RBMS2: variants seen among roughly 807,000 people sequenced by gnomAD.
RBMS2 encodes RNA-binding motif, single-stranded-interacting protein 2.
A neutral mutation model predicts 58.4 loss-of-function variants in RBMS2; 38 were observed. The ratio of observed to expected loss-of-function variants is 0.65; its 90% CI spans 0.50 to 0.85. The LOEUF (loss-of-function observed/expected upper bound fraction) is 0.85. Among genes scored for constraint, RBMS2 ranks in the 40% least tolerant of loss-of-function variants. The probability of loss-of-function intolerance (pLI) is 0.00; values close to 1 mark genes in which losing one functional copy is unlikely to be tolerated. For missense variants in RBMS2, 367 were observed against 503.7 expected, an observed-to-expected ratio of 0.73 and a Z score of 2.60; for synonymous variants, 151 against 180.7, an observed-to-expected ratio of 0.84 and a Z score of 1.32.
intron 10 of RBMS2, 91 bp downstream of exon 10, chr12:56,587,017 G>T: frequency 3.0e-6 from 4 of 1,341,042 alleles, no homozygotes; most frequent in Non-Finnish European, 4.3e-6. Flanking sequence ...TGTAATCCCA[G>T]CACTTTGGGA....
rs71446560 is a variant in RBMS2 at position 56,536,200 on chromosome 12, C to CAA, written c.66+14138_66+14139dup. On this transcript the variant is annotated intron_variant, in intron 1 of 13. Coordinates refer to ENST00000262031, the MANE Select transcript of RBMS2 (RefSeq NM_002898.4). ...GGGTGACAAGAGTGAAACTCTGTCT[C>CAA]AAAAAAAAAAAAAAAAAAAAAAAAA... 4.9e-3 allele frequency among the ~76,000 whole-genome samples: 373 copies of CAA among 76,422 alleles called. 11 individuals are homozygous for CAA. The highest frequency in any genetic ancestry group is 0.021 in the African/African-American group (330 of 15,612). 50.1% of individuals were successfully genotyped at this position (76,422 alleles called of 152,430 possible).
intron 1 of RBMS2, among the ~76,000 whole-genome samples, chr12:56,541,078 G>A (rs1460445309): frequency 5.4e-5 from 8 of 148,778 alleles, no homozygotes; most frequent in Admixed American, 2.0e-4. Flanking sequence ...TCCAGCCTGG[G>A]CAGCAGAGTG....
At chr12:56,538,695 T>G (rs1356319543) in intron 1 of RBMS2, among the ~76,000 whole-genome samples, 1 of 151,934 alleles carries the variant, frequency 6.6e-6, no homozygotes, top group Admixed American at 6.6e-5. Flanking sequence ...TTGGCCAGGC[T>G]GGTCTTGAAC....
rs1282946412 is a variant in RBMS2 at position 56,590,637 on chromosome 12, T to C, written c.*1504T>C. On this transcript the variant is annotated 3_prime_UTR_variant, in exon 14 of 14. Transcript: ENST00000262031. ...ACTCATGCAACTGTTGGGGAAGGACTGGACTGGGATCCTTGAATTCTCCCC... is the reference window on the plus strand; with the variant it reads ...ACTCATGCAACTGTTGGGGAAGGACCGGACTGGGATCCTTGAATTCTCCCC... The C allele has an allele frequency of 6.6e-6, 1 of 152,236 alleles. No homozygotes were observed. Among genetic ancestry groups the C allele is most frequent in the African/African-American group, 2.4e-5 (1 of 41,458 alleles). 9.4% of individuals were successfully genotyped at this position (152,236 alleles called of 1,614,324 possible). A position where few individuals can be genotyped will look rare whatever the true frequency, so the allele number is the denominator to read the frequency against.
chr12:56,562,374 T>C (rs1351079623), intron 1 of RBMS2, 43 bp from the exon 2 acceptor site: 1 of 1,534,680 alleles, frequency 6.5e-7, no homozygotes, highest in South Asian at 1.1e-5. Flanking sequence ...CTCCAACATG[T>C]AAATGGATAA....
chr12:56,521,427 CAA>C (rs35413431), upstream of RBMS2, among the ~76,000 whole-genome samples: 4 of 91,294 alleles, frequency 4.4e-5, no homozygotes, highest in African/African-American at 4.9e-5. Flanking sequence ...AACTCTGTCT[CAA>C]AAAAAAAAAA....
chr12:56,558,365 C>T (rs1377807091), intron 1 of RBMS2, among the ~76,000 whole-genome samples: 2 of 89,228 alleles, frequency 2.2e-5, no homozygotes, highest in African/African-American at 7.6e-5. Context: ...ATTTATTTCC[C>T]CAGTAACCCT....
intron 4 of RBMS2, 140 bp downstream of exon 4, chr12:56,570,130 T>C (rs900281850): frequency 8.4e-5 from 57 of 674,746 alleles, no homozygotes; most frequent in Middle Eastern, 2.5e-4. Context: ...AGACAGTCCA[T>C]GAGCACCCCT....
chr12:56,561,884 T>C (rs910585885), intron 1 of RBMS2, among the ~76,000 whole-genome samples: 1 of 151,828 alleles, frequency 6.6e-6, no homozygotes, highest in Non-Finnish European at 1.5e-5. Context: ...CTCAGCTCAC[T>C]GCAAGCTCTG....
rs185999288 is a variant in RBMS2, at chr12:56,524,347, T to C, written c.66+2258T>C. Among the ~76,000 whole-genome samples the C allele has an allele frequency of 3.8e-3, 584 of 152,324 alleles. 19 individuals carry two copies. The highest frequency in any genetic ancestry group is 0.034 in the Admixed American group (516 of 15,278). ...AGGATGCTGTATCTGTGCATCACTC[T>C]GTGGCCATGCATATGACTCCTTTTG... On this transcript the variant is annotated intron_variant, in intron 1 of 13. Coordinates refer to ENST00000262031, the MANE Select transcript of RBMS2 (RefSeq NM_002898.4).
chr12:56,568,636 A>G (rs766723767), intron 2 of RBMS2, among the ~76,000 whole-genome samples: 4 of 151,288 alleles, frequency 2.6e-5, no homozygotes, highest in Non-Finnish European at 5.9e-5. Flanking sequence ...TCACAGGTTC[A>G]AGCAATTCTC....
chr12:56,559,239 G>A (rs1334220535), intron 1 of RBMS2, among the ~76,000 whole-genome samples: 1 of 151,794 alleles, frequency 6.6e-6, no homozygotes. Context: ...GAGTGCAGTG[G>A]CACAATCTCG....
chr12:56,586,527 A>G (rs1018269763), intron 9 of RBMS2, among the ~76,000 whole-genome samples: 4 of 151,202 alleles, frequency 2.6e-5, no homozygotes, highest in Non-Finnish European at 4.4e-5. Flanking sequence ...GGCTATTTGT[A>G]TATCTTCTTA....
At chr12:56,521,299 G>A (rs1871688500), upstream of RBMS2, among the ~76,000 whole-genome samples, 2 of 151,874 alleles carry the variant, frequency 1.3e-5, no homozygotes, top group African/African-American at 4.8e-5. Context: ...GTGTGGTGGT[G>A]GTCACCTGTA....
intron 1 of RBMS2, among the ~76,000 whole-genome samples, chr12:56,529,632 T>C (rs553412160): frequency 5.2e-4 from 77 of 149,282 alleles, no homozygotes; most frequent in Non-Finnish European, 9.4e-4. Context: ...GAAAAAAGGA[T>C]GGAATACTGA....
rs774705093 is a variant in RBMS2 at position 56,581,436 on chromosome 12, C to T, written c.660C>T (p.Gly220=). 5.0e-6 allele frequency: 8 copies of T among 1,613,968 alleles called. No individual in the cohort carries two copies. The East Asian group carries it at 8.9e-5, about 18-fold the overall frequency. The part of the protein sequence containing the change: ...SDPLLCKFAD[G]GPKKRQNQGK... ...CCTTGCTTTGCAAATTTGCTGATGG[C>T]GGGCCAAAGAAACGACAGAACCAAG... The change falls in exon 7 of 14, where the codon GGC becomes GGT. Residue 220 remains glycine (G), a synonymous_variant. Transcript: ENST00000262031.
chr12:56,579,490 G>A (rs1032030465), intron 5 of RBMS2, among the ~76,000 whole-genome samples: 6 of 152,006 alleles, frequency 3.9e-5, no homozygotes, highest in African/African-American at 9.7e-5. Flanking sequence ...AAAATTAGCC[G>A]GGTGTGGTGG....
chr12:56,555,110 A>C (rs1412649901), intron 1 of RBMS2, among the ~76,000 whole-genome samples: 1 of 152,032 alleles, frequency 6.6e-6, no homozygotes, highest in Non-Finnish European at 1.5e-5. Flanking sequence ...CAGGCAGCCA[A>C]GTACCTGGAT....
At chr12:56,550,020 C>G (rs951066599) in intron 1 of RBMS2, among the ~76,000 whole-genome samples, 1 of 151,798 alleles carries the variant, frequency 6.6e-6, no homozygotes, top group African/African-American at 2.4e-5. Flanking sequence ...GAGCGAAACT[C>G]CGTCTCGCAA....
Sources: gnomAD v4.1 joint callset for allele counts (sites outside exome capture counted in the v4.1 genomes callset) on GRCh38, gnomAD v4.1.1 for gene constraint, MANE v1.5 for transcripts, NCBI Gene and HGNC (gene_info 2026-07-23, HGNC 2026-07-21) for gene names.